Variants in NAALADL2 observed in about 807,000 individuals in gnomAD.
NAALADL2 encodes N-acetylated alpha-linked acidic dipeptidase like 2, also known as inactive N-acetylated-alpha-linked acidic dipeptidase-like protein 2.
NAALADL2 carries 76 observed loss-of-function variants against 87.2 expected under a neutral mutation model. That is an observed-to-expected ratio of 0.87 (90% CI 0.72 to 1.05). The LOEUF (loss-of-function observed/expected upper bound fraction) is 1.05, where lower values mean the gene tolerates loss of function less well. NAALADL2 is among the 50% of genes least tolerant of loss of function. The pLI is 0.00. For synonymous variants in NAALADL2, 354 were observed against 331.0 expected (o/e 1.07, Z -0.75); for missense variants, 1,089 against 945.8 (o/e 1.15, Z -1.99).
intron 2 of NAALADL2, among the ~76,000 whole-genome samples, chr3:175,133,956 C>A (rs998619934): frequency 6.6e-6 from 1 of 152,148 alleles, no homozygotes; most frequent in African/African-American, 2.4e-5. Flanking sequence ...TAGTTGGCAT[C>A]ATCTTTAAGC....
chr3:175,792,082 ATGT>A (rs935409009), intron 13 of NAALADL2, among the ~76,000 whole-genome samples: 1 of 152,312 alleles, frequency 6.6e-6, no homozygotes, highest in African/African-American at 2.4e-5. Flanking sequence ...ATTGTGTAAT[ATGT>A]TGTTTGTTTT....
chr3:175,626,692 A>C (rs1045094739), intron 10 of NAALADL2, among the ~76,000 whole-genome samples: 2 of 151,862 alleles, frequency 1.3e-5, no homozygotes, highest in South Asian at 4.1e-4. Context: ...TAACAGTTAC[A>C]TGCTTCTCCA....
At chr3:175,182,817 A>G (rs1244490685) in intron 2 of NAALADL2, among the ~76,000 whole-genome samples, 1 of 151,926 alleles carries the variant, frequency 6.6e-6, no homozygotes, top group Non-Finnish European at 1.5e-5. Context: ...TGCCTAGACC[A>G]ATGTCATGTA....
chr3:175,261,280 A>G (rs1750988626), intron 4 of NAALADL2, among the ~76,000 whole-genome samples: 1 of 152,138 alleles, frequency 6.6e-6, no homozygotes, highest in Admixed American at 6.5e-5. Context: ...GCACTCTAGT[A>G]TGGAAATTAA....
chr3:175,357,092 C>T (rs1174379528), intron 5 of NAALADL2, among the ~76,000 whole-genome samples: 1 of 152,078 alleles, frequency 6.6e-6, no homozygotes, highest in Non-Finnish European at 1.5e-5. Flanking sequence ...TTTTAAAGTG[C>T]AAAATCATCC....
At chr3:175,702,464 G>C (rs1250818101) in intron 11 of NAALADL2, among the ~76,000 whole-genome samples, 1 of 151,648 alleles carries the variant, frequency 6.6e-6, no homozygotes, top group Non-Finnish European at 1.5e-5. Flanking sequence ...AGGCTTTAGG[G>C]AAGACAGAAA....
At chr3:174,846,176 C>T (rs933469484) in intron 3 of NAALADL2, among the ~76,000 whole-genome samples, 2 of 152,124 alleles carry the variant, frequency 1.3e-5, no homozygotes, top group African/African-American at 4.8e-5. Flanking sequence ...AGAATAAGTC[C>T]CCTTTGACTC....
At chr3:174,685,105 G>C (rs986916953) in intron 2 of NAALADL2, among the ~76,000 whole-genome samples, 2 of 151,948 alleles carry the variant, frequency 1.3e-5, no homozygotes, top group Non-Finnish European at 2.9e-5. Context: ...TTCCCTGAAT[G>C]GTCCCAAATG....
At chr3:175,527,076 C>A (rs1449372546) in intron 9 of NAALADL2, among the ~76,000 whole-genome samples, 1 of 151,946 alleles carries the variant, frequency 6.6e-6, no homozygotes, top group East Asian at 1.9e-4. Flanking sequence ...TCATCTGAGC[C>A]CCCAGGTAGA....
intron 5 of NAALADL2, among the ~76,000 whole-genome samples, chr3:175,430,849 T>C (rs1717632716): frequency 6.6e-6 from 1 of 152,082 alleles, no homozygotes; most frequent in Non-Finnish European, 1.5e-5. Context: ...TAGTTAATGT[T>C]TTATAATTTC....
intron 3 of NAALADL2, among the ~76,000 whole-genome samples, chr3:175,240,758 C>T (rs759374447): frequency 4.6e-5 from 7 of 152,120 alleles, no homozygotes; most frequent in Non-Finnish European, 1.0e-4. Context: ...CAGGTTCAAG[C>T]GATTCTCCTG....
intron 1 of NAALADL2, among the ~76,000 whole-genome samples, chr3:174,487,117 T>C (rs560316288): frequency 6.6e-6 from 1 of 152,024 alleles, no homozygotes. Flanking sequence ...TCTGGTAGCA[T>C]AGACAAAATC....
chr3:174,838,887 G>A (rs978846313), intron 3 of NAALADL2, among the ~76,000 whole-genome samples: 4 of 152,096 alleles, frequency 2.6e-5, no homozygotes, highest in African/African-American at 9.7e-5. Context: ...GCTCATGGAT[G>A]GGTAGAATCA....
At chr3:175,715,747 A>C (rs946608611) in intron 11 of NAALADL2, among the ~76,000 whole-genome samples, 7 of 152,038 alleles carry the variant, frequency 4.6e-5, no homozygotes, top group African/African-American at 1.7e-4. Flanking sequence ...ATAGTGGCAC[A>C]TGCTGTAATC....
intron 3 of NAALADL2, among the ~76,000 whole-genome samples, chr3:174,841,497 C>A (rs1037890640): frequency 2.1e-4 from 32 of 152,240 alleles, no homozygotes; most frequent in African/African-American, 7.5e-4. Flanking sequence ...ATTATTTTTT[C>A]CTTTTTCGAA....
At position 175,326,044 on chromosome 3, in the gene NAALADL2, C is replaced by A. The variant is rs190029394; in HGVS notation, c.1090+1719C>A. Among the ~76,000 whole-genome samples, 7 of 152,326 alleles carry A rather than the reference C, an allele frequency of 4.6e-5. No individual in the cohort carries two copies. In the East Asian group the frequency reaches 1.2e-3, roughly 25 times the overall value. On this transcript the variant is annotated intron_variant, in intron 5 of 13. Coordinates refer to ENST00000454872, the MANE Select transcript of NAALADL2 (RefSeq NM_207015.3). ...TTCCATTTTAAAACATTTTTCACTT[C>A]TTTCATTTTACTGTAAACAGTCAAA...
intron 1 of NAALADL2, among the ~76,000 whole-genome samples, chr3:175,022,978 C>G (rs1751751978): frequency 6.6e-6 from 1 of 152,038 alleles, no homozygotes. Flanking sequence ...TCCAGTTTCC[C>G]AGAGTTGGTT....
At chr3:175,338,147 G>A (rs1267052272) in intron 5 of NAALADL2, among the ~76,000 whole-genome samples, 1 of 152,166 alleles carries the variant, frequency 6.6e-6, no homozygotes. Context: ...GTGGGAATCT[G>A]AGAGTGAAGG....
intron 3 of NAALADL2, among the ~76,000 whole-genome samples, chr3:174,822,209 A>T (rs933889022): frequency 1.3e-5 from 2 of 151,976 alleles, no homozygotes; most frequent in African/African-American, 4.8e-5. Flanking sequence ...TGAGCGAGCA[A>T]ATATAACACT....
Sources: gnomAD v4.1 joint callset for allele counts (sites outside exome capture counted in the v4.1 genomes callset) on GRCh38, gnomAD v4.1.1 for gene constraint, MANE v1.5 for transcripts, NCBI Gene and HGNC (gene_info 2026-07-23, HGNC 2026-07-21) for gene names.